The following CNNM1 variants were observed in gnomAD, a reference collection of about 807,000 sequenced individuals.
CNNM1 encodes the protein metal transporter CNNM1.
CNNM1 carries 44 observed loss-of-function variants against 78.8 expected under a neutral mutation model. The ratio of observed to expected loss-of-function variants is 0.56; its 90% CI spans 0.44 to 0.72. The LOEUF is 0.72. Ranked by LOEUF, CNNM1 falls within the 30% of genes least tolerant of loss-of-function variation. CNNM1 has a pLI of 0.00. For missense variants in CNNM1, 1,101 were observed against 1,292.2 expected (o/e 0.85, Z 2.27); for synonymous variants, 584 against 581.5 (o/e 1.00, Z -0.06).
intron 6 of CNNM1, among the ~76,000 whole-genome samples, chr10:99,372,571 C>T (rs944118642): frequency 1.3e-5 from 2 of 152,198 alleles, no homozygotes; most frequent in Non-Finnish European, 2.9e-5. Context: ...CAAGCTGTGC[C>T]TCTGTGCTCT....
At chr10:99,367,261 C>G (rs1038912620) in intron 6 of CNNM1, among the ~76,000 whole-genome samples, 1 of 152,162 alleles carries the variant, frequency 6.6e-6, no homozygotes, top group African/African-American at 2.4e-5. Context: ...AGCCCCGTCC[C>G]CCTATGCTTG....
intron 9 of CNNM1, among the ~76,000 whole-genome samples, chr10:99,389,370 T>C (rs1176568789): frequency 7.5e-6 from 1 of 133,442 alleles, no homozygotes; most frequent in African/African-American, 2.9e-5. Context: ...TGAGGCGAGA[T>C]GGCGCCATTG....
intron 7 of CNNM1, among the ~76,000 whole-genome samples, chr10:99,383,209 A>G (rs1014605267): frequency 1.3e-5 from 2 of 152,186 alleles, no homozygotes; most frequent in African/African-American, 4.8e-5. Flanking sequence ...AATAATAGTG[A>G]CCAATGCAGG....
chr10:99,375,971 G>A (rs201553474), intron 6 of CNNM1, among the ~76,000 whole-genome samples: 1 of 152,166 alleles, frequency 6.6e-6, no homozygotes, highest in East Asian at 1.9e-4. Context: ...CAAGTGACAT[G>A]GTCTTAATTG....
intron 1 of CNNM1, among the ~76,000 whole-genome samples, chr10:99,356,940 T>C (rs2031239308): frequency 6.6e-6 from 1 of 152,210 alleles, no homozygotes; most frequent in Non-Finnish European, 1.5e-5. Flanking sequence ...TTTCCCATTC[T>C]CTTTTGGTTG....
intron 1 of CNNM1, among the ~76,000 whole-genome samples, chr10:99,347,732 TC>T (rs1286230562): frequency 6.6e-6 from 1 of 151,928 alleles, no homozygotes; most frequent in Non-Finnish European, 1.5e-5. Flanking sequence ...TACTTTCCTC[TC>T]CCACGTTCTA....
rs1314536362 is a variant in CNNM1, at chr10:99,393,354, G to A, written c.*1838G>A. The A allele has an allele frequency of 1.3e-5, 2 of 152,472 alleles. No individual in the cohort carries two copies. Among genetic ancestry groups the A allele is most frequent in the African/African-American group, 4.8e-5 (2 of 41,368 alleles). The allele number at this position is 152,472 out of a possible 1,614,324, so 9.4% of individuals were successfully genotyped here. On this transcript the variant is annotated 3_prime_UTR_variant, in exon 11 of 11. Coordinates refer to ENST00000356713, the MANE Select transcript of CNNM1 (RefSeq NM_020348.3). ...GTTAACTCAGGGGTTCTTAACTTGG[G>A]GTCCATCACCCCAGGGGGTCCATAG...
chr10:99,365,141 G>A, intron 6 of CNNM1, 139 bp downstream of exon 6: 1 of 824,548 alleles, frequency 1.2e-6, no homozygotes, highest in South Asian at 1.4e-5. Context: ...TGTTCTGCCA[G>A]GAACACTGCT....
chr10:99,346,037 A>G (rs1057070256), intron 1 of CNNM1, among the ~76,000 whole-genome samples: 1 of 152,040 alleles, frequency 6.6e-6, no homozygotes, highest in Non-Finnish European at 1.5e-5. Context: ...GTTTTGACAT[A>G]GTAGTGGGAA....
At chr10:99,343,107 C>G (rs984021748) in intron 1 of CNNM1, among the ~76,000 whole-genome samples, 2 of 151,984 alleles carry the variant, frequency 1.3e-5, no homozygotes, top group Non-Finnish European at 2.9e-5. Context: ...GGATTACAGG[C>G]GCCTGCCACC....
intron 1 of CNNM1, among the ~76,000 whole-genome samples, chr10:99,334,181 C>T (rs1435724237): frequency 6.6e-6 from 1 of 152,132 alleles, no homozygotes; most frequent in African/African-American, 2.4e-5. Flanking sequence ...TTCAGAGACC[C>T]CTTATTAACA....
At chr10:99,357,713 A>C (rs932336882) in intron 2 of CNNM1, 58 bp downstream of exon 2, 5 of 1,461,864 alleles carry the variant, frequency 3.4e-6, no homozygotes, top group African/African-American at 1.4e-5. Flanking sequence ...CAAGACTCTC[A>C]GGTAAAGCCT....
chr10:99,383,321 C>T (rs778929927), intron 7 of CNNM1, among the ~76,000 whole-genome samples: 4 of 152,052 alleles, frequency 2.6e-5, no homozygotes, highest in Non-Finnish European at 5.9e-5. Flanking sequence ...TGATCTTCTA[C>T]CTCACTGAGT....
intron 6 of CNNM1, among the ~76,000 whole-genome samples, chr10:99,367,199 G>A (rs2031649505): frequency 6.6e-6 from 1 of 152,122 alleles, no homozygotes; most frequent in Admixed American, 6.6e-5. Context: ...TAGGTTGAGG[G>A]AGAGCTTAAG....
chr10:99,356,617 G>GAAAGA (rs1554940127), intron 1 of CNNM1, among the ~76,000 whole-genome samples: 11 of 139,604 alleles, frequency 7.9e-5, no homozygotes, highest in Non-Finnish European at 9.6e-5. Context: ...AAGAAAGAAA[G>GAAAGA]AAAGAAAAGA....
intron 1 of CNNM1, among the ~76,000 whole-genome samples, chr10:99,350,345 CA>C (rs1260231667): frequency 2.0e-5 from 3 of 152,206 alleles, no homozygotes; most frequent in Admixed American, 2.0e-4. Flanking sequence ...TCTCTATTTC[CA>C]AGCAATATGC....
At chr10:99,370,815 C>T (rs2031776464) in intron 6 of CNNM1, among the ~76,000 whole-genome samples, 3 of 152,302 alleles carry the variant, frequency 2.0e-5, no homozygotes, top group South Asian at 4.1e-4. Context: ...TGCTAAATCT[C>T]AACCGTATCT....
Position 99,391,572 on chromosome 10 carries a change from T to C in CNNM1, c.*56T>C. On this transcript the variant is annotated 3_prime_UTR_variant, in exon 11 of 11. Coordinates refer to ENST00000356713, the MANE Select transcript of CNNM1 (RefSeq NM_020348.3). ...GAAATTCCAGAGCTTTGGGGGAGAA[T>C]CCACCCTCCCATCATCTGCTTCCCC... 1 of 1,468,058 alleles carries C rather than the reference T, an allele frequency of 6.8e-7. No individual in the cohort carries two copies. Among genetic ancestry groups the C allele is most frequent in the Non-Finnish European group, 9.5e-7 (1 of 1,053,240 alleles). 90.9% of individuals were successfully genotyped at this position (1,468,058 alleles called of 1,614,324 possible). A position where few individuals can be genotyped will look rare whatever the true frequency, so the allele number is the denominator to read the frequency against.
intron 2 of CNNM1, 70 bp downstream of exon 2, chr10:99,357,725 A>T (rs1010561349): frequency 7.7e-6 from 11 of 1,424,354 alleles, no homozygotes; most frequent in Non-Finnish European, 1.0e-5. Context: ...GTAAAGCCTC[A>T]TTTGATTTAT....
Sources: allele counts gnomAD v4.1 joint callset (sites outside exome capture counted in the v4.1 genomes callset), GRCh38; gene constraint gnomAD v4.1.1; transcripts MANE v1.5; gene names NCBI Gene and HGNC (gene_info 2026-07-23, HGNC 2026-07-21).